APOBEC3G: variants seen among roughly 807,000 people sequenced by gnomAD.
The protein encoded by APOBEC3G is DNA dC->dU-editing enzyme APOBEC-3G.
Under a neutral mutation model 50.0 loss-of-function variants are expected in APOBEC3G, and 44 were observed. The ratio of observed to expected loss-of-function variants is 0.88; its 90% CI spans 0.69 to 1.13. The LOEUF is 1.13. Among genes scored for constraint, APOBEC3G ranks in the 50% most tolerant of loss-of-function variants. The probability of loss-of-function intolerance (pLI) is 0.00; values close to 1 mark genes in which losing one functional copy is unlikely to be tolerated. For missense variants in APOBEC3G, 469 were observed against 492.0 expected, an observed-to-expected ratio of 0.95 and a Z score of 0.44; for synonymous variants, 156 against 175.3, an observed-to-expected ratio of 0.89 and a Z score of 0.87.
In APOBEC3G at chr22:39,081,205, C is replaced by A. The variant is rs779184767; in HGVS notation, c.444C>A (p.Thr148=). The change falls in exon 3 of 8, where the codon ACC becomes ACA. Residue 148 remains threonine (T), a synonymous_variant. Transcript: ENST00000407997. ...AGAAAAGAGACGGTCCGCGTGCCACCATGAAGATCATGAATTATGACGGTG... is the reference window on the plus strand; with the variant it reads ...AGAAAAGAGACGGTCCGCGTGCCACAATGAAGATCATGAATTATGACGGTG... ...LCQKRDGPRA[T]MKIMNYDEFQ... 4 of 1,614,034 alleles carry A rather than the reference C, an allele frequency of 2.5e-6. No homozygotes were observed. The highest frequency in any genetic ancestry group is 3.4e-6 in the Non-Finnish European group (4 of 1,180,002).
rs139265278 is a variant in APOBEC3G, at chr22:39,086,552, A to G, written c.1009A>G (p.Ile337Val). 5.3e-5 allele frequency: 85 copies of G among 1,606,866 alleles called. No individual in the cohort carries two copies. The highest frequency in any genetic ancestry group is 6.7e-5 in the Non-Finnish European group (79 of 1,175,704). ...TLAEAGAKIS[I>V]MTYSEFKHCW... ...GGCCGAGGCTGGGGCCAAAATTTCA[A>G]TAATGACATACAGTGGTGAGAATGG... The change falls in exon 6 of 8, where the codon ATA becomes GTA. Residue 337 changes from isoleucine to valine, a missense_variant. Transcript: ENST00000407997.
chr22:39,086,915 C>A, intron 6 of APOBEC3G, 96 bp from the exon 7 acceptor site: 2 of 1,434,042 alleles, frequency 1.4e-6, no homozygotes, highest in Non-Finnish European at 1.9e-6. Context: ...GGGACTGAAA[C>A]CAGGATGTGG....
At chr22:39,082,602 C>G (rs1157975121) in intron 4 of APOBEC3G, 1 of 152,074 alleles carries the variant, frequency 6.6e-6, no homozygotes, top group Non-Finnish European at 1.5e-5. Flanking sequence ...CCAGCCTGGG[C>G]AAAAAAGCGA....
In APOBEC3G at chr22:39,079,055, C is replaced by T. The variant is rs35941380; in HGVS notation, c.141C>T (p.Pro47=). ...YEVKTKGPSR[P]PLDAKIFRGQ... is the part of the protein sequence containing the mutation. ...TGAAAACAAAGGGTCCCTCAAGGCC[C>T]CCTTTGGACGCAAAGATCTTTCGAG... The change falls in exon 2 of 8, where the codon CCC becomes CCT. Residue 47 remains proline (P), a synonymous_variant. Transcript: ENST00000407997. The T allele has an allele frequency of 2.8e-4, 455 of 1,614,172 alleles. 1 individual carries two copies. In the African/African-American group the frequency reaches 5.5e-3, roughly 20 times the overall value.
intron 6 of APOBEC3G, 82 bp downstream of exon 6, chr22:39,086,649 C>A: frequency 6.7e-7 from 1 of 1,503,630 alleles, no homozygotes; most frequent in South Asian, 1.3e-5. Flanking sequence ...TGGGGAGGGT[C>A]GGCATCCCTG....
intron 1 of APOBEC3G, 79 bp from the exon 2 acceptor site, chr22:39,078,853 G>A (rs544442653): frequency 6.3e-7 from 1 of 1,575,592 alleles, no homozygotes; most frequent in Non-Finnish European, 8.6e-7. Flanking sequence ...CGTCCAGGGG[G>A]CTGTGTTTAG....
In APOBEC3G at chr22:39,081,041, T is replaced by C; in HGVS notation, c.280T>C (p.Trp94Arg). 1 of 1,614,146 alleles carries C rather than the reference T, an allele frequency of 6.2e-7. No homozygotes were observed. ...QEYEVTWYIS[W>R]SPCTKCTRDM... ...GTATGAGGTCACCTGGTACATATCC[T>C]GGAGCCCCTGCACAAAGTGTACAAG... Residue 94 changes from tryptophan (W) to arginine (R), a missense_variant, in exon 3 of 8, where the codon TGG (tryptophan) becomes CGG (arginine). Coordinates refer to ENST00000407997, the MANE Select transcript of APOBEC3G (RefSeq NM_021822.4).
In APOBEC3G at chr22:39,087,684, C is replaced by G. The variant is rs933775668; in HGVS notation, c.*263C>G. 1 of 581,104 alleles carries G rather than the reference C, an allele frequency of 1.7e-6. No homozygotes were observed. Among genetic ancestry groups the G allele is most frequent in the South Asian group, 2.7e-5 (1 of 36,730 alleles). 36.0% of individuals were successfully genotyped at this position (581,104 alleles called of 1,614,324 possible). On this transcript the variant is annotated 3_prime_UTR_variant, in exon 8 of 8. Transcript: ENST00000407997. ...AAAAGTTTCAAACCTACTAATCCAG[C>G]GACAATTTGAATCGGTTTTGTAGGT...
chr22:39,086,221 A>G (rs903317697), intron 5 of APOBEC3G, 58 bp from the exon 6 acceptor site: 24 of 1,513,250 alleles, frequency 1.6e-5, no homozygotes, highest in Admixed American at 1.1e-4. Flanking sequence ...GGGCAACAAG[A>G]GTGAAACTCT....
Position 39,086,443 on chromosome 22 carries a change from A to G in APOBEC3G, c.900A>G (p.Ser300=). 6.2e-7 allele frequency: 1 copy of G among 1,614,030 alleles called. No individual in the cohort carries two copies. The change falls in exon 6 of 8, where the codon TCA becomes TCG. Residue 300 remains serine, a synonymous_variant. Transcript: ENST00000407997. ...SCAQEMAKFI[S]KNKHVSLCIF... is the part of the protein sequence containing the mutation. ...CCCAGGAAATGGCTAAATTCATTTC[A>G]AAAAACAAACACGTGAGCCTGTGCA...
intron 1 of APOBEC3G, 45 bp downstream of exon 1, chr22:39,077,423 C>G: frequency 6.4e-7 from 1 of 1,569,646 alleles, no homozygotes; most frequent in Non-Finnish European, 8.6e-7. Context: ...GCTGCCCCTT[C>G]TTGCCTGGTG....
In APOBEC3G at chr22:39,087,553, C is replaced by T; in HGVS notation, c.*132C>T. On this transcript the variant is annotated 3_prime_UTR_variant, in exon 8 of 8. Coordinates refer to ENST00000407997, the MANE Select transcript of APOBEC3G (RefSeq NM_021822.4). Reference sequence around the variant, plus strand: ...GATCACAGACACCAGCAAAGCAATGCACTCCTGACCAAGTAGATTCTTTTA... The same window carrying T: ...GATCACAGACACCAGCAAAGCAATGTACTCCTGACCAAGTAGATTCTTTTA... 1 of 1,511,496 alleles carries T rather than the reference C, an allele frequency of 6.6e-7. No individual in the cohort carries two copies. Among genetic ancestry groups the T allele is most frequent in the Non-Finnish European group, 9.0e-7 (1 of 1,105,144 alleles). 93.6% of individuals were successfully genotyped at this position (1,511,496 alleles called of 1,614,324 possible).
chr22:39,081,274 CTG>C (rs1206413067), intron 3 of APOBEC3G, 47 bp downstream of exon 3: 1 of 1,594,928 alleles, frequency 6.3e-7, no homozygotes, highest in East Asian at 2.2e-5. Context: ...GCTTAAGTGT[CTG>C]TGATGGGTCC....
intron 4 of APOBEC3G, chr22:39,083,135 A>ATGC (rs1344928029): frequency 1.3e-5 from 2 of 152,088 alleles, no homozygotes; most frequent in Non-Finnish European, 2.9e-5. Flanking sequence ...TGGTTTGGAA[A>ATGC]TGCCTCTGCA....
intron 1 of APOBEC3G, chr22:39,078,612 A>G (rs914796484): frequency 1.2e-5 from 3 of 249,008 alleles, no homozygotes; most frequent in Non-Finnish European, 2.3e-5. Flanking sequence ...CGGTTCTACC[A>G]TGATTTAACA....
intron 2 of APOBEC3G, chr22:39,080,044 CAAAA>C: frequency 6.8e-6 from 1 of 147,904 alleles, no homozygotes. Context: ...AACTCCATCT[CAAAA>C]AAAAAAAAAG....
At chr22:39,077,787 A>T (rs542129046) in intron 1 of APOBEC3G, among the ~76,000 whole-genome samples, 1 of 152,282 alleles carries the variant, frequency 6.6e-6, no homozygotes, top group African/African-American at 2.4e-5. Flanking sequence ...TGTAAGATTT[A>T]CTTTGCTTAA....
At position 39,086,536 on chromosome 22, in the gene APOBEC3G, T is replaced by C. The variant is rs370218151; in HGVS notation, c.993T>C (p.Ala331=). 9.9e-6 allele frequency: 16 copies of C among 1,609,502 alleles called. No homozygotes were observed. In the African/African-American group the frequency reaches 2.1e-4, roughly 22 times the overall value. The part of the protein sequence containing the change: ...CQEGLRTLAE[A]GAKISIMTYS... ...AGGGGCTGCGCACCCTGGCCGAGGC[T>C]GGGGCCAAAATTTCAATAATGACAT... Residue 331 remains alanine (A), a synonymous_variant, in exon 6 of 8, where the codon GCT becomes GCC. Transcript: ENST00000407997.
chr22:39,080,001 A>C (rs1392498868), intron 2 of APOBEC3G: 1 of 158,714 alleles, frequency 6.3e-6, no homozygotes, highest in African/African-American at 2.4e-5. Flanking sequence ...CCAAGATTGC[A>C]TCCTTGCATT....
Sources: allele counts gnomAD v4.1 joint callset (sites outside exome capture counted in the v4.1 genomes callset), GRCh38; gene constraint gnomAD v4.1.1; transcripts MANE v1.5; gene names NCBI Gene and HGNC (gene_info 2026-07-23, HGNC 2026-07-21).